Variants in DOCK10 observed in about 807,000 individuals in gnomAD.
DOCK10 encodes the protein dedicator of cytokinesis protein 10.
DOCK10 carries 145 observed loss-of-function variants against 280.1 expected under a neutral mutation model. The observed-to-expected ratio is 0.52, with a 90% CI of 0.45 to 0.59. The LOEUF is 0.59. Ranked by LOEUF, DOCK10 falls within the 20% of genes least tolerant of loss-of-function variation. The pLI is 0.00. For missense variants in DOCK10, 2,368 were observed against 2,651.7 expected (o/e 0.89, Z 2.35); for synonymous variants, 915 against 942.2 (o/e 0.97, Z 0.53).
chr2:225,015,063 C>T (rs145420793), intron 1 of DOCK10, among the ~76,000 whole-genome samples: 207 of 152,246 alleles, frequency 1.4e-3, no homozygotes, highest in African/African-American at 4.5e-3. Context: ...ATTCTTTTCG[C>T]TCCTGGGAAC....
chr2:224,866,956 G>C (rs995206547), intron 11 of DOCK10, among the ~76,000 whole-genome samples: 4 of 151,950 alleles, frequency 2.6e-5, no homozygotes, highest in African/African-American at 9.7e-5. Flanking sequence ...TTTCTCCAAG[G>C]AGCCCTGGTT....
At chr2:224,830,771 A>G (rs1029353271) in intron 26 of DOCK10, among the ~76,000 whole-genome samples, 159 bp from the exon 27 acceptor site, 3 of 152,126 alleles carry the variant, frequency 2.0e-5, no homozygotes, top group South Asian at 4.1e-4. Flanking sequence ...TTATAGTGGG[A>G]TGATTTTTAT....
intron 30 of DOCK10, among the ~76,000 whole-genome samples, chr2:224,814,697 T>C (rs1055402162): frequency 3.3e-5 from 5 of 152,140 alleles, no homozygotes; most frequent in Non-Finnish European, 2.9e-5. Context: ...GATTTTTGTA[T>C]TTTTAGTAGA....
chr2:224,962,576 T>C (rs984490673), intron 1 of DOCK10, among the ~76,000 whole-genome samples: 1 of 152,222 alleles, frequency 6.6e-6, no homozygotes, highest in Non-Finnish European at 1.5e-5. Context: ...AAATTAAGTG[T>C]CAGATATTTA....
chr2:224,812,819 G>A (rs942088618), intron 31 of DOCK10, among the ~76,000 whole-genome samples: 5 of 152,182 alleles, frequency 3.3e-5, no homozygotes, highest in Admixed American at 2.0e-4. Flanking sequence ...AACCAGCCTT[G>A]CATCCCAGGG....
intron 1 of DOCK10, among the ~76,000 whole-genome samples, chr2:224,967,962 T>A (rs1704874005): frequency 6.6e-6 from 1 of 152,240 alleles, no homozygotes; most frequent in Non-Finnish European, 1.5e-5. Context: ...CTTGATTTTT[T>A]ATACTTCTGC....
At chr2:224,888,312 TGTGTGC>T (rs773216641) in intron 4 of DOCK10, among the ~76,000 whole-genome samples, 15 of 152,032 alleles carry the variant, frequency 9.9e-5, no homozygotes, top group Non-Finnish European at 1.6e-4. Context: ...TCCATATATG[TGTGTGC>T]GTGTGCGTGT....
chr2:225,008,060 T>C (rs887437958), intron 1 of DOCK10, among the ~76,000 whole-genome samples: 1 of 152,166 alleles, frequency 6.6e-6, no homozygotes, highest in Non-Finnish European at 1.5e-5. Context: ...GTTAAAGCCA[T>C]GGCTGGAAGT....
intron 31 of DOCK10, among the ~76,000 whole-genome samples, chr2:224,813,075 C>G (rs1212412400): frequency 6.6e-6 from 1 of 152,094 alleles, no homozygotes; most frequent in African/African-American, 2.4e-5. Context: ...AGTGAGTAGG[C>G]CTTAATTGTT....
At chr2:224,928,335 C>T (rs917604880) in intron 2 of DOCK10, among the ~76,000 whole-genome samples, 44 of 152,304 alleles carry the variant, frequency 2.9e-4, no homozygotes, top group African/African-American at 1.0e-3. Context: ...CCTGCCTTTA[C>T]ATCATGAAAG....
At chr2:224,812,788 C>T (rs1044701462) in intron 31 of DOCK10, among the ~76,000 whole-genome samples, 1 of 152,106 alleles carries the variant, frequency 6.6e-6, no homozygotes, top group Non-Finnish European at 1.5e-5. Flanking sequence ...CTGGATTACA[C>T]TTATTGATTT....
chr2:224,839,636 T>G (rs977537735), intron 24 of DOCK10, among the ~76,000 whole-genome samples: 1 of 152,186 alleles, frequency 6.6e-6, no homozygotes, highest in South Asian at 2.1e-4. Flanking sequence ...TACACCTGTA[T>G]GGAAGATGTT....
intron 4 of DOCK10, among the ~76,000 whole-genome samples, chr2:224,895,683 T>G (rs1165035763): frequency 6.6e-6 from 1 of 152,138 alleles, no homozygotes; most frequent in Non-Finnish European, 1.5e-5. Flanking sequence ...TAATTTCTAT[T>G]TTTGTTCAGG....
chr2:224,942,536 C>T (rs1703154591), intron 1 of DOCK10, among the ~76,000 whole-genome samples: 1 of 152,140 alleles, frequency 6.6e-6, no homozygotes, highest in South Asian at 2.1e-4. Flanking sequence ...TCACAACAGC[C>T]TAAATAAGCA....
At position 224,885,658 on chromosome 2, in the gene DOCK10, G is replaced by A. The variant is rs1202837791; in HGVS notation, c.747+13C>T. The A allele has an allele frequency of 1.3e-6, 2 of 1,571,098 alleles. No individual in the cohort carries two copies. Among genetic ancestry groups the A allele is most frequent in the South Asian group, 2.4e-5 (2 of 83,222 alleles). ...AAAAAAAATCCCAAGGAGGAAAAGG[G>A]ATGTCTACTCACCTGCACCACTCCT... On this transcript the variant is annotated intron_variant, in intron 7 of 55. Transcript: ENST00000258390.
chr2:224,978,564 C>T (rs1575142814), intron 1 of DOCK10, among the ~76,000 whole-genome samples: 1 of 152,224 alleles, frequency 6.6e-6, no homozygotes, highest in Middle Eastern at 3.4e-3. Flanking sequence ...AATATGTGAT[C>T]AGCAAGTAAA....
At position 224,796,987 on chromosome 2, in the gene DOCK10, A is replaced by C. The variant is rs201933376; in HGVS notation, c.4804T>G (p.Ser1602Ala). 4.3e-6 allele frequency: 7 copies of C among 1,613,100 alleles called. No individual in the cohort carries two copies. In the East Asian group the frequency reaches 1.3e-4, roughly 31 times the overall value. ...RKNFEFNKQK[S>A]IVRSHLQLIK... ...ACTTGTAAGTGGGACCGGACAATTG[A>C]CTTCTGCTTGTTAAATTCAAAATTC... The change falls in exon 43 of 56, where the codon TCA (serine) becomes GCA (alanine). Residue 1602 changes from serine (S) to alanine (A), a missense_variant. By Grantham distance (99) the Ser-to-Ala change is moderately conservative (BLOSUM62 1). This residue lies in a region of DOCK10 where 1,159 missense variants were observed against 1,400.8 expected (regional missense o/e 0.83). Coordinates refer to ENST00000258390, the MANE Select transcript of DOCK10 (RefSeq NM_014689.3).
intron 20 of DOCK10, 57 bp from the exon 21 acceptor site, chr2:224,845,381 C>A: frequency 6.5e-7 from 1 of 1,544,250 alleles, no homozygotes; most frequent in Non-Finnish European, 8.8e-7. Flanking sequence ...GGTAAGAAGT[C>A]ACAATAATGC....
chr2:224,976,341 T>G (rs1164315034), intron 1 of DOCK10, among the ~76,000 whole-genome samples: 1 of 152,276 alleles, frequency 6.6e-6, no homozygotes, highest in Admixed American at 6.5e-5. Flanking sequence ...CCATGGCACA[T>G]GTATACCTGT....
Sources: allele counts gnomAD v4.1 joint callset (sites outside exome capture counted in the v4.1 genomes callset), GRCh38; gene constraint gnomAD v4.1.1; regional missense constraint gnomAD v4.1.1; transcripts MANE v1.5; gene names NCBI Gene and HGNC (gene_info 2026-07-23, HGNC 2026-07-21).